CR1: variants seen among roughly 807,000 people sequenced by gnomAD.
CR1 encodes the protein complement receptor type 1.
CR1 carries 116 observed loss-of-function variants against 187.3 expected under a neutral mutation model. The observed-to-expected ratio is 0.62, with a 90% confidence interval of 0.53 to 0.72. The LOEUF (loss-of-function observed/expected upper bound fraction) is 0.72. CR1 is among the 30% of genes least tolerant of loss of function. The pLI, the probability that CR1 is intolerant of heterozygous loss-of-function variation, is 0.00. For missense variants in CR1, 1,731 were observed against 2,110.7 expected (o/e 0.82, Z 3.52); for synonymous variants, 576 against 747.1 (o/e 0.77, Z 3.73).
intron 35 of CR1, among the ~76,000 whole-genome samples, chr1:207,589,754 A>G (rs1661216444): frequency 6.6e-6 from 1 of 152,244 alleles, no homozygotes; most frequent in Non-Finnish European, 1.5e-5. Context: ...TAGAATAACC[A>G]GTTTAGAAAA....
chr1:207,593,947 G>A (rs1661353288), intron 35 of CR1, among the ~76,000 whole-genome samples: 1 of 152,178 alleles, frequency 6.6e-6, no homozygotes, highest in Non-Finnish European at 1.5e-5. Flanking sequence ...AAAAAGTCAG[G>A]AAACAACAGA....
chr1:207,622,933 G>T, intron 44 of CR1, 60 bp from the exon 45 acceptor site: 3 of 1,227,078 alleles, frequency 2.4e-6, no homozygotes, highest in Non-Finnish European at 3.5e-6. Context: ...TACTAAGATA[G>T]AATTTAAAAC....
In CR1 at chr1:207,616,614, G is replaced by A. The variant is rs879020751; in HGVS notation, c.6701G>A (p.Arg2234Lys). ...AATCCTCCAGCTATCCTTAATGGGA[G>A]ACACACAGGAACTCCCTTTGGAGAT... The part of the protein sequence containing the change: ...CPNPPAILNG[R>K]HTGTPFGDIP... The change falls in exon 41 of 47, where the codon AGA (arginine) becomes AAA (lysine). Residue 2234 changes from arginine to lysine, a missense_variant. Physicochemically the swap from Arg to Lys is conservative, Grantham distance 26 (BLOSUM62 2). This residue lies in a region of CR1 where 1,312 missense variants were observed against 1,379.6 expected (regional missense o/e 0.95). Coordinates refer to ENST00000367049, the MANE Select transcript of CR1 (RefSeq NM_000651.6). 12 of 1,613,558 alleles carry A rather than the reference G, an allele frequency of 7.4e-6. No individual in the cohort carries two copies. In the South Asian group the frequency reaches 1.2e-4, roughly 16 times the overall value.
intron 39 of CR1, among the ~76,000 whole-genome samples, chr1:207,613,973 C>T (rs1662019541): frequency 6.6e-6 from 1 of 152,120 alleles, no homozygotes; most frequent in Non-Finnish European, 1.5e-5. Context: ...GCTTTGCTTA[C>T]CAAATCGAGA....
chr1:207,516,796 A>G (rs1243845194), intron 4 of CR1, among the ~76,000 whole-genome samples: 1 of 152,104 alleles, frequency 6.6e-6, no homozygotes, highest in Non-Finnish European at 1.5e-5. Context: ...GTTTCATCTC[A>G]GCTCCAGCAA....
At chr1:207,597,133 CA>C (rs535152842) in intron 35 of CR1, among the ~76,000 whole-genome samples, 207 of 137,986 alleles carry the variant, frequency 1.5e-3, no homozygotes, top group African/African-American at 2.7e-3. Context: ...CTATGTATTA[CA>C]AAAAAAAAAA....
intron 4 of CR1, among the ~76,000 whole-genome samples, chr1:207,520,205 TC>T (rs1659931312): frequency 1.3e-5 from 2 of 152,208 alleles, no homozygotes; most frequent in South Asian, 4.1e-4. Flanking sequence ...GTTCTGTACC[TC>T]CTCCCAATTT....
chr1:207,586,485 CTG>C (rs1221187138), intron 33 of CR1, among the ~76,000 whole-genome samples: 1 of 152,214 alleles, frequency 6.6e-6, no homozygotes, highest in Non-Finnish European at 1.5e-5. Context: ...AAGAAAAACA[CTG>C]TATTAGTTTC....
At chr1:207,614,355 G>A (rs756504162) in intron 39 of CR1, 49 bp from the exon 40 acceptor site, 20 of 1,425,174 alleles carry the variant, frequency 1.4e-5, no homozygotes, top group South Asian at 3.4e-5. Context: ...GAAATCAAGG[G>A]AGAGATGGGA....
chr1:207,526,471 A>G (rs1660174611), intron 5 of CR1, among the ~76,000 whole-genome samples: 3 of 150,816 alleles, frequency 2.0e-5, no homozygotes, highest in African/African-American at 5.0e-5. Flanking sequence ...GAAGCATTCT[A>G]GAAGGAACTG....
chr1:207,499,985 G>GA (rs1331849056), intron 1 of CR1, among the ~76,000 whole-genome samples: 1 of 152,102 alleles, frequency 6.6e-6, no homozygotes, highest in Non-Finnish European at 1.5e-5. Context: ...CACCCTCTCC[G>GA]CAAAGACACA....
Position 207,589,420 on chromosome 1 carries a change from AC to A in CR1, c.5810+647del, listed in dbSNP as rs376039770. 1.2e-4 allele frequency among the ~76,000 whole-genome samples: 18 copies of A among 152,074 alleles called. No individual in the cohort carries two copies. The East Asian group carries it at 3.1e-3, about 26-fold the overall frequency. On this transcript the variant is annotated intron_variant, in intron 35 of 46. Coordinates refer to ENST00000367049, the MANE Select transcript of CR1 (RefSeq NM_000651.6). The stretch of plus-strand genomic sequence containing the variant: ...ACATAAAGGAATAGCATCAACATTA[AC>A]AAAAAGGACGTCCACATGAAAACCC...
At chr1:207,621,389 A>G (rs974897136) in intron 43 of CR1, among the ~76,000 whole-genome samples, 35 of 152,246 alleles carry the variant, frequency 2.3e-4, no homozygotes, top group African/African-American at 8.4e-4. Flanking sequence ...GTAAATTTGC[A>G]AAAACTCTTA....
At position 207,611,588 on chromosome 1, in the gene CR1, A is replaced by T. The variant is rs74892671; in HGVS notation, c.6296-89A>T. Reference sequence around the variant, plus strand: ...CTTTTAATAGCTGCACTCTGCAATGACGATTTTTAAGCCCTCTGGTAAGCA... The same window carrying T: ...CTTTTAATAGCTGCACTCTGCAATGTCGATTTTTAAGCCCTCTGGTAAGCA... On this transcript the variant is annotated intron_variant, in intron 37 of 46. Coordinates refer to ENST00000367049, the MANE Select transcript of CR1 (RefSeq NM_000651.6). The T allele has an allele frequency of 1.6e-3, 2,541 of 1,545,152 alleles. 28 individuals are homozygous for T. The African/African-American group carries it at 0.029, about 18-fold the overall frequency.
intron 24 of CR1, among the ~76,000 whole-genome samples, chr1:207,566,927 C>G (rs12038575): frequency 0.23 from 34,878 of 149,940 alleles, 5,401 homozygotes; most frequent in East Asian, 0.33. Context: ...TTTGGAAGAA[C>G]ATAACTTATA....
intron 3 of CR1, among the ~76,000 whole-genome samples, chr1:207,510,371 T>C (rs1659573917): frequency 6.6e-6 from 1 of 152,206 alleles, no homozygotes; most frequent in African/African-American, 2.4e-5. Context: ...TGTCACTGTT[T>C]TGTTGTTTGA....
intron 34 of CR1, among the ~76,000 whole-genome samples, 156 bp from the exon 35 acceptor site, chr1:207,588,519 A>G (rs1054494500): frequency 2.0e-5 from 3 of 152,194 alleles, no homozygotes; most frequent in Non-Finnish European, 4.4e-5. Flanking sequence ...TCGTAGCTAC[A>G]TGATTCTGAA....
intron 46 of CR1, among the ~76,000 whole-genome samples, chr1:207,634,563 C>T (rs11118209): frequency 0.15 from 22,995 of 151,536 alleles, 1,985 homozygotes; most frequent in South Asian, 0.35. Flanking sequence ...CTGGGAAGTC[C>T]TGTGAAATGG....
At chr1:207,589,810 T>C (rs1661217587) in intron 35 of CR1, among the ~76,000 whole-genome samples, 1 of 151,990 alleles carries the variant, frequency 6.6e-6, no homozygotes, top group African/African-American at 2.4e-5. Flanking sequence ...CACAAGAACT[T>C]CATGAAGCAT....
Sources: allele counts gnomAD v4.1 joint callset (sites outside exome capture counted in the v4.1 genomes callset), GRCh38; gene constraint gnomAD v4.1.1; regional missense constraint gnomAD v4.1.1; transcripts MANE v1.5; gene names NCBI Gene and HGNC (gene_info 2026-07-23, HGNC 2026-07-21).